The following PDIA6 variants were observed in gnomAD, a reference collection of about 807,000 sequenced individuals.
PDIA6 encodes protein disulfide isomerase family A member 6.
Under a neutral mutation model 58.4 loss-of-function variants are expected in PDIA6, and 29 were observed. The ratio of observed to expected loss-of-function variants is 0.50; its 90% confidence interval spans 0.37 to 0.68. The LOEUF (loss-of-function observed/expected upper bound fraction) is 0.68. Among genes scored for constraint, PDIA6 ranks in the 30% least tolerant of loss-of-function variants. The probability of loss-of-function intolerance (pLI) is 0.00; values close to 1 mark genes in which losing one functional copy is unlikely to be tolerated. For synonymous variants in PDIA6, 192 were observed against 202.6 expected (o/e 0.95, Z 0.44); for missense variants, 480 against 551.0 (o/e 0.87, Z 1.29).
At chr2:10,789,021 A>G (rs369192990) in intron 8 of PDIA6, 40 bp from the exon 9 acceptor site, 7 of 1,425,072 alleles carry the variant, frequency 4.9e-6, no homozygotes, top group Non-Finnish European at 6.0e-6. Context: ...AGGAGGCTGC[A>G]TGATACAACA....
intron 7 of PDIA6, 132 bp from the exon 8 acceptor site, chr2:10,790,021 C>T: frequency 1.4e-6 from 1 of 706,014 alleles, no homozygotes; most frequent in South Asian, 2.0e-5. Context: ...CTCTGTTGCC[C>T]AGGCTGGAGA....
rs1226840252 is a variant in PDIA6 at position 10,812,666 on chromosome 2, G to A, written c.19+12C>T. The A allele has an allele frequency of 1.3e-6, 2 of 1,532,824 alleles. No homozygotes were observed. Among genetic ancestry groups the A allele is most frequent in the East Asian group, 2.7e-5 (1 of 37,108 alleles). 95.0% of individuals were successfully genotyped at this position (1,532,824 alleles called of 1,614,324 possible). ...CCAGCTCGCCCGCCTCCCTCCGCTG[G>A]CCCGCACCTACCGAGCACCAGGAGA... On this transcript the variant is annotated intron_variant, in intron 1 of 12. Transcript: ENST00000272227.
intron 1 of PDIA6, chr2:10,821,016 G>A: frequency 1.7e-6 from 1 of 573,634 alleles, no homozygotes; most frequent in Non-Finnish European, 3.1e-6. Context: ...GGGGAGGGGG[G>A]TGGATTCTAC....
intron 6 of PDIA6, among the ~76,000 whole-genome samples, chr2:10,791,388 C>T (rs765464934): frequency 1.2e-4 from 19 of 152,138 alleles, no homozygotes; most frequent in African/African-American, 1.9e-4. Context: ...TCAAGTGATC[C>T]GCCTGCCTCG....
At chr2:10,825,682 T>C (rs1177096724) in intron 1 of PDIA6, among the ~76,000 whole-genome samples, 1 of 152,126 alleles carries the variant, frequency 6.6e-6, no homozygotes, top group Non-Finnish European at 1.5e-5. Flanking sequence ...AGTAGACATT[T>C]CTCCAAGGAA....
chr2:10,791,953 C>A, intron 5 of PDIA6, 28 bp from the exon 6 acceptor site: 1 of 1,608,352 alleles, frequency 6.2e-7, no homozygotes, highest in Non-Finnish European at 8.5e-7. Context: ...AAACATCAAA[C>A]AATTGGGCCA....
At position 10,784,087 on chromosome 2, in the gene PDIA6, T is replaced by G; in HGVS notation, c.*171A>C. On this transcript the variant is annotated 3_prime_UTR_variant, in exon 13 of 13. Transcript: ENST00000272227. ...TTCATAGAATTTTTCAATGTTTTCT[T>G]GAGATGCAAAAGTTCACTGTTGCAG... The G allele has an allele frequency of 4.5e-6, 2 of 446,508 alleles. No individual in the cohort carries two copies. The highest frequency in any genetic ancestry group is 3.4e-5 in the East Asian group (1 of 29,816). The allele number at this position is 446,508 out of a possible 1,614,324, so 27.7% of individuals were successfully genotyped here.
chr2:10,826,552 G>T (rs150344321), intron 1 of PDIA6, among the ~76,000 whole-genome samples: 3 of 152,114 alleles, frequency 2.0e-5, no homozygotes, highest in East Asian at 3.9e-4. Flanking sequence ...TAGAGAGGAG[G>T]TTTTGCCATG....
intron 6 of PDIA6, among the ~76,000 whole-genome samples, chr2:10,791,238 C>T (rs995497960): frequency 3.3e-5 from 5 of 152,096 alleles, no homozygotes; most frequent in African/African-American, 1.2e-4. Context: ...CTGCCTCCCA[C>T]AATCAAGAGA....
At chr2:10,806,632 A>AAGACAGAAAGAC (rs1558452527) in intron 1 of PDIA6, among the ~76,000 whole-genome samples, 2 of 121,152 alleles carry the variant, frequency 1.7e-5, no homozygotes, top group Admixed American at 8.4e-5. Flanking sequence ...TAAAGACAGA[A>AAGACAGAAAGAC]AGAAAGAAAG....
chr2:10,785,216 C>T, intron 11 of PDIA6, 186 bp from the exon 12 acceptor site: 1 of 547,168 alleles, frequency 1.8e-6, no homozygotes. Flanking sequence ...GACAACATTA[C>T]AACCAGATTC....
chr2:10,799,862 CCAAAG>C (rs1157063451), intron 2 of PDIA6, among the ~76,000 whole-genome samples: 22 of 150,846 alleles, frequency 1.5e-4, no homozygotes, highest in African/African-American at 4.1e-4. Flanking sequence ...GTCCAGACTC[CCAAAG>C]GGCTGGTGGA....
intron 2 of PDIA6, among the ~76,000 whole-genome samples, chr2:10,818,759 G>A (rs900685349): frequency 3.3e-5 from 5 of 151,734 alleles, no homozygotes; most frequent in Non-Finnish European, 7.4e-5. Context: ...CTGACCTCAG[G>A]TGATCCACCC....
At chr2:10,793,008 T>C in intron 5 of PDIA6, 88 bp downstream of exon 5, 1 of 831,744 alleles carries the variant, frequency 1.2e-6, no homozygotes, top group South Asian at 1.5e-5. Flanking sequence ...CACTTTAACA[T>C]ACTGTTAAAA....
chr2:10,814,738 C>A (rs1667141110), upstream of PDIA6, among the ~76,000 whole-genome samples: 3 of 152,304 alleles, frequency 2.0e-5, no homozygotes, highest in South Asian at 6.2e-4. Flanking sequence ...TTAACTTTGT[C>A]CCCATGGGCC....
At chr2:10,803,458 ATGTT>A (rs1274116944) in intron 1 of PDIA6, among the ~76,000 whole-genome samples, 3 of 152,158 alleles carry the variant, frequency 2.0e-5, no homozygotes, top group African/African-American at 7.2e-5. Context: ...CGCCCAGCCA[ATGTT>A]TATTTTTATA....
chr2:10,834,263 G>A (rs900304266), upstream of PDIA6, among the ~76,000 whole-genome samples: 1 of 152,270 alleles, frequency 6.6e-6, no homozygotes, highest in Non-Finnish European at 1.5e-5. Flanking sequence ...CTCTCAGGCT[G>A]GATCAAAGGC....
At chr2:10,833,987 C>T (rs544733868), upstream of PDIA6, among the ~76,000 whole-genome samples, 4 of 152,332 alleles carry the variant, frequency 2.6e-5, no homozygotes, top group South Asian at 2.1e-4. Flanking sequence ...TGTTGCCACA[C>T]GGAAGCGGAA....
chr2:10,826,790 C>A (rs1301615413), intron 1 of PDIA6, among the ~76,000 whole-genome samples: 2 of 152,164 alleles, frequency 1.3e-5, no homozygotes, highest in Non-Finnish European at 2.9e-5. Flanking sequence ...CCTGAGCAGA[C>A]CTTTAAGAGC....
Sources: gnomAD v4.1 joint callset for allele counts (sites outside exome capture counted in the v4.1 genomes callset) on GRCh38, gnomAD v4.1.1 for gene constraint, MANE v1.5 for transcripts, NCBI Gene and HGNC (gene_info 2026-07-23, HGNC 2026-07-21) for gene names.